The following AMPD3 variants were observed in gnomAD, a reference collection of about 807,000 sequenced individuals.
The protein encoded by AMPD3 is adenosine monophosphate deaminase 3, also known as AMP deaminase 3.
In AMPD3, 57 loss-of-function variants were observed where a neutral mutation model predicts 82.3. That is an observed-to-expected ratio of 0.69 (90% confidence interval 0.56 to 0.86). AMPD3 has a LOEUF of 0.86. AMPD3 is among the 40% of genes least tolerant of loss of function. AMPD3 has a pLI of 0.00. For synonymous variants in AMPD3, 381 were observed against 394.7 expected (o/e 0.97, Z 0.41); for missense variants, 870 against 1,003.8 (o/e 0.87, Z 1.80).
chr11:10,498,569 C>A (rs898376737), intron 10 of AMPD3: 1 of 152,404 alleles, frequency 6.6e-6, no homozygotes, highest in Admixed American at 6.5e-5. Context: ...CCTGGCCCCC[C>A]AAACCCGTCT....
Position 10,501,595 on chromosome 11 carries a change from C to A in AMPD3, c.1842+5C>A, listed in dbSNP as rs1350352407. 1 of 1,614,096 alleles carries A rather than the reference C, an allele frequency of 6.2e-7. No individual in the cohort carries two copies. The highest frequency in any genetic ancestry group is 8.5e-7 in the Non-Finnish European group (1 of 1,180,046). ...CACGGGCTGCTCCTCAAGAAGGTAA[C>A]CAGGTCACTCTCGGGAGCCCGTCCT... is the stretch of plus-strand genomic sequence containing the variant. On this transcript the variant is annotated splice_donor_5th_base_variant and intron_variant, in intron 12 of 14. Transcript: ENST00000396553.
chr11:10,450,418 C>A, upstream of AMPD3: 2 of 985,724 alleles, frequency 2.0e-6, no homozygotes, highest in Non-Finnish European at 2.4e-6. Context: ...CCAATGCTTG[C>A]GGGTTGCTGC....
chr11:10,462,936 G>A (rs924592277), intron 2 of AMPD3, among the ~76,000 whole-genome samples: 2 of 152,182 alleles, frequency 1.3e-5, no homozygotes, highest in African/African-American at 2.4e-5. Flanking sequence ...AGGAAGAAGT[G>A]CTGTGACCAG....
Position 10,462,817 on chromosome 11 carries a change from C to A in AMPD3, c.221+1077C>A, listed in dbSNP as rs144112154. Among the ~76,000 whole-genome samples, 25 of 152,296 alleles carry A rather than the reference C, an allele frequency of 1.6e-4. No individual in the cohort carries two copies. In the East Asian group the frequency reaches 4.6e-3, roughly 28 times the overall value. Reference sequence around the variant, plus strand: ...CAAGGAGATGACATCTTAGCGGATGCTTCAGGGTATAAAGAAGCTAGCTAT... The same window carrying A: ...CAAGGAGATGACATCTTAGCGGATGATTCAGGGTATAAAGAAGCTAGCTAT... On this transcript the variant is annotated intron_variant, in intron 2 of 14. Transcript: ENST00000396553.
At chr11:10,463,631 G>T (rs759352116) in intron 2 of AMPD3, among the ~76,000 whole-genome samples, 3 of 152,246 alleles carry the variant, frequency 2.0e-5, no homozygotes, top group Non-Finnish European at 4.4e-5. Flanking sequence ...TCTGGAACCA[G>T]TTTCCACTAC....
upstream of AMPD3, among the ~76,000 whole-genome samples, chr11:10,453,424 C>A (rs980931712): frequency 6.6e-6 from 1 of 152,168 alleles, no homozygotes; most frequent in South Asian, 2.1e-4. Flanking sequence ...GTGAATGAGA[C>A]AGGCGAGATT....
At chr11:10,463,804 C>A (rs1400110561) in intron 2 of AMPD3, among the ~76,000 whole-genome samples, 2 of 152,172 alleles carry the variant, frequency 1.3e-5, no homozygotes, top group Admixed American at 1.3e-4. Context: ...CTGTCCTTGC[C>A]TAGGTTATGG....
intron 1 of AMPD3, among the ~76,000 whole-genome samples, chr11:10,458,399 T>G (rs916577718): frequency 6.6e-6 from 1 of 151,816 alleles, no homozygotes; most frequent in Non-Finnish European, 1.5e-5. Context: ...TTTCATAGAG[T>G]CTTAAGTCTA....
chr11:10,495,618 C>T lies in AMPD3; in HGVS notation c.1315C>T (p.Arg439Trp), dbSNP rs951954537. 40 of 1,613,636 alleles carry T rather than the reference C, an allele frequency of 2.5e-5. No individual in the cohort carries two copies. The highest frequency in any genetic ancestry group is 3.2e-5 in the Non-Finnish European group (38 of 1,180,040). Residue 439 changes from arginine (R) to tryptophan (W), a missense_variant, in exon 9 of 15, where the codon CGG becomes TGG. Physicochemically the swap from Arg to Trp is moderately radical, Grantham distance 101 (BLOSUM62 -3). Coordinates refer to ENST00000396553, the MANE Select transcript of AMPD3 (RefSeq NM_001025389.2). ...EESKYQYSEPRLSIYGRSPEE... is the reference protein window; with the variant it reads ...EESKYQYSEPWLSIYGRSPEE... ...GAGCAAGTACCAGTACTCAGAGCCA[C>T]GGCTCTCCATCTACGGCCGCAGTCC... is the stretch of plus-strand genomic sequence containing the variant.
intron 3 of AMPD3, 62 bp from the exon 4 acceptor site, chr11:10,482,001 T>C: frequency 6.2e-7 from 1 of 1,608,584 alleles, no homozygotes; most frequent in Non-Finnish European, 8.5e-7. Flanking sequence ...AGCACATCTT[T>C]CCAAGGATGG....
At chr11:10,460,656 G>A (rs767115712) in intron 1 of AMPD3, among the ~76,000 whole-genome samples, 4 of 152,100 alleles carry the variant, frequency 2.6e-5, no homozygotes, top group South Asian at 2.1e-4. Context: ...TGATCTGCCC[G>A]CCTCAGCCTC....
intron 6 of AMPD3, among the ~76,000 whole-genome samples, chr11:10,488,891 C>T (rs954236182): frequency 6.6e-6 from 1 of 152,150 alleles, no homozygotes; most frequent in African/African-American, 2.4e-5. Context: ...TCCCTGACCC[C>T]CTGGCTGGGA....
At chr11:10,450,657 GGGC>G (rs1847936801), upstream of AMPD3, 1 of 1,015,028 alleles carries the variant, frequency 9.9e-7, no homozygotes, top group African/African-American at 1.7e-5. Flanking sequence ...TTCCGGCCAA[GGGC>G]CCTGGCGGCC....
At chr11:10,486,776 A>C (rs1421495510) in intron 5 of AMPD3, 5 of 985,280 alleles carry the variant, frequency 5.1e-6, no homozygotes, top group Non-Finnish European at 6.0e-6. Context: ...TCTTCAAGGA[A>C]TGACAAGTGG....
At chr11:10,477,140 A>G in intron 2 of AMPD3, 1 of 983,616 alleles carries the variant, frequency 1.0e-6, no homozygotes, top group Non-Finnish European at 1.2e-6. Flanking sequence ...AGAGGAAGAG[A>G]GCTGCTTCTG....
At chr11:10,504,846 C>T (rs1849674042) in intron 14 of AMPD3, among the ~76,000 whole-genome samples, 187 bp downstream of exon 14, 1 of 152,224 alleles carries the variant, frequency 6.6e-6, no homozygotes, top group South Asian at 2.1e-4. Context: ...CCTTCTCAGA[C>T]CTCTACGCCT....
At chr11:10,494,484 T>G in intron 7 of AMPD3, 1 of 848,420 alleles carries the variant, frequency 1.2e-6, no homozygotes, top group Non-Finnish European at 1.4e-6. Context: ...ATGGTAAACG[T>G]TGTGTTGTAC....
At chr11:10,467,459 G>T (rs935940100) in intron 2 of AMPD3, among the ~76,000 whole-genome samples, 2 of 151,920 alleles carry the variant, frequency 1.3e-5, no homozygotes, top group Non-Finnish European at 2.9e-5. Flanking sequence ...AAGAAGACAA[G>T]ATAAGAGGAA....
Position 10,477,891 on chromosome 11 carries a change from C to T in AMPD3, c.222-635C>T, listed in dbSNP as rs938124605. 6.1e-6 allele frequency: 6 copies of T among 985,328 alleles called. No individual in the cohort carries two copies. In the African/African-American group the frequency reaches 1.0e-4, roughly 17 times the overall value. The allele number at this position is 985,328 out of a possible 1,614,324, so 61.0% of individuals were successfully genotyped here. ...TGGCACCCAGTAGGTCTGCTGCCAG[C>T]CATGGGGCCTATGATGCCTGTAAGC... On this transcript the variant is annotated intron_variant, in intron 2 of 14. Transcript: ENST00000396553.
Sources: allele counts gnomAD v4.1 joint callset (sites outside exome capture counted in the v4.1 genomes callset), GRCh38; gene constraint gnomAD v4.1.1; transcripts MANE v1.5; gene names NCBI Gene and HGNC (gene_info 2026-07-23, HGNC 2026-07-21).